Variants in LINGO2 observed in about 807,000 individuals in gnomAD.
LINGO2 encodes leucine-rich repeat and immunoglobulin-like domain-containing nogo receptor-interacting protein 2.
Under a neutral mutation model 30.6 loss-of-function variants are expected in LINGO2, and 14 were observed. That is an observed-to-expected ratio of 0.46 (90% confidence interval 0.30 to 0.72). The LOEUF is 0.72. LINGO2 is among the 30% of genes least tolerant of loss of function. The pLI is 0.07. For missense variants in LINGO2, 729 were observed against 751.7 expected (o/e 0.97, Z 0.35); for synonymous variants, 317 against 288.5 (o/e 1.10, Z -1.00).
the LINGO2 span, among the ~76,000 whole-genome samples, chr9:28,790,192 T>C: frequency 6.6e-6 from 1 of 152,162 alleles, no homozygotes; most frequent in African/African-American, 2.4e-5. Context: ...ACGCAGTATA[T>C]ATTACCTGTC....
chr9:27,964,660 T>C (rs1820009744), intron 5 of LINGO2, among the ~76,000 whole-genome samples: 1 of 152,196 alleles, frequency 6.6e-6, no homozygotes, highest in East Asian at 1.9e-4. Flanking sequence ...AAAATTGTTA[T>C]TTAATTGGAA....
At chr9:28,719,326 C>G in the LINGO2 span, among the ~76,000 whole-genome samples, 1 of 152,032 alleles carries the variant, frequency 6.6e-6, no homozygotes, top group Non-Finnish European at 1.5e-5. Flanking sequence ...CCTGAAGGAA[C>G]TAATTGTTTT....
intron 4 of LINGO2, among the ~76,000 whole-genome samples, chr9:28,159,392 A>G (rs1432711662): frequency 3.3e-5 from 5 of 152,006 alleles, no homozygotes; most frequent in African/African-American, 1.2e-4. Context: ...TGCAGCTTTT[A>G]TTTTTTCTCT....
At chr9:28,523,787 A>C (rs1490655355) in intron 1 of LINGO2, among the ~76,000 whole-genome samples, 1 of 152,164 alleles carries the variant, frequency 6.6e-6, no homozygotes, top group African/African-American at 2.4e-5. Flanking sequence ...GATCTAAATA[A>C]CTGGAAAGAC....
the LINGO2 span, among the ~76,000 whole-genome samples, chr9:28,765,059 G>A: frequency 2.8e-3 from 426 of 152,030 alleles, 2 homozygotes; most frequent in Non-Finnish European, 4.5e-3. Context: ...TTGTTAAAAT[G>A]TTCATACTAC....
At chr9:28,291,304 G>A (rs7038394) in intron 4 of LINGO2, among the ~76,000 whole-genome samples, 11,078 of 152,152 alleles carry the variant, frequency 0.073, 718 homozygotes, top group East Asian at 0.38. Flanking sequence ...ATTAGGCATT[G>A]AAGTGAACAG....
intron 1 of LINGO2, among the ~76,000 whole-genome samples, chr9:28,553,569 A>T (rs1377373499): frequency 2.0e-5 from 3 of 152,088 alleles, no homozygotes; most frequent in African/African-American, 4.8e-5. Context: ...GTTGGAAAAC[A>T]CTCTGCAGGA....
chr9:28,095,218 C>T (rs949995118), intron 4 of LINGO2, among the ~76,000 whole-genome samples: 2 of 152,038 alleles, frequency 1.3e-5, no homozygotes, highest in African/African-American at 4.8e-5. Context: ...CACAGGAGGG[C>T]CTATGACCAC....
intron 1 of LINGO2, among the ~76,000 whole-genome samples, chr9:28,556,180 C>T (rs1274371687): frequency 1.3e-5 from 2 of 151,910 alleles, no homozygotes; most frequent in African/African-American, 4.8e-5. Context: ...AAAGGGTATT[C>T]AATTAGGAAA....
chr9:28,655,725 C>T (rs1475702886), intron 1 of LINGO2, among the ~76,000 whole-genome samples: 1 of 151,890 alleles, frequency 6.6e-6, no homozygotes, highest in African/African-American at 2.4e-5. Context: ...TAAGGGGCTC[C>T]CCCCTTCACT....
At chr9:27,995,942 C>T (rs139295171) in intron 5 of LINGO2, among the ~76,000 whole-genome samples, 5 of 152,012 alleles carry the variant, frequency 3.3e-5, no homozygotes, top group Non-Finnish European at 5.9e-5. Flanking sequence ...AATGATATGA[C>T]CTTACATTTA....
chr9:29,183,883 GCCTA>G, the LINGO2 span, among the ~76,000 whole-genome samples: 8 of 147,864 alleles, frequency 5.4e-5, no homozygotes, highest in African/African-American at 9.9e-5. Flanking sequence ...CGTTCACACT[GCCTA>G]CCTGTTTCTT....
At chr9:28,015,100 G>C (rs1244739440) in intron 4 of LINGO2, among the ~76,000 whole-genome samples, 1 of 152,066 alleles carries the variant, frequency 6.6e-6, no homozygotes, top group Non-Finnish European at 1.5e-5. Flanking sequence ...GAAATTCTTT[G>C]ATCCAAAAGG....
the LINGO2 span, among the ~76,000 whole-genome samples, chr9:28,937,414 A>G: frequency 3.9e-5 from 6 of 152,240 alleles, no homozygotes; most frequent in Non-Finnish European, 7.3e-5. Context: ...TTATTGTTCC[A>G]AAAGACAGAA....
At chr9:28,909,203 A>G in the LINGO2 span, among the ~76,000 whole-genome samples, 1 of 151,936 alleles carries the variant, frequency 6.6e-6, no homozygotes, top group Non-Finnish European at 1.5e-5. Context: ...TCACAGCCAG[A>G]CATGCAAATA....
the LINGO2 span, among the ~76,000 whole-genome samples, chr9:28,887,090 A>G: frequency 1.6e-4 from 25 of 152,246 alleles, no homozygotes; most frequent in African/African-American, 4.1e-4. Context: ...AGGACCTTGT[A>G]CATATAATGC....
chr9:28,293,734 A>G (rs1390160534), intron 4 of LINGO2, among the ~76,000 whole-genome samples: 1 of 152,174 alleles, frequency 6.6e-6, no homozygotes, highest in Non-Finnish European at 1.5e-5. Context: ...TGAGGTTTTG[A>G]CATGTAACCC....
chr9:28,626,886 T>C (rs1334899666), intron 1 of LINGO2, among the ~76,000 whole-genome samples: 2 of 152,034 alleles, frequency 1.3e-5, no homozygotes, highest in East Asian at 3.9e-4. Context: ...TTGAAAAAAA[T>C]ATTGAGCATG....
chr9:28,054,595 A>C (rs1225017059), intron 4 of LINGO2, among the ~76,000 whole-genome samples: 1 of 152,126 alleles, frequency 6.6e-6, no homozygotes, highest in Non-Finnish European at 1.5e-5. Flanking sequence ...ACAACACTTG[A>C]TCACTCCCCT....
Sources: gnomAD v4.1 joint callset for allele counts (sites outside exome capture counted in the v4.1 genomes callset) on GRCh38, gnomAD v4.1.1 for gene constraint, MANE v1.5 for transcripts, NCBI Gene and HGNC (gene_info 2026-07-23, HGNC 2026-07-21) for gene names.